BTNL9: variants seen among roughly 807,000 people sequenced by gnomAD.
BTNL9 encodes butyrophilin like 9, also known as butyrophilin-like protein 9.
Under a neutral mutation model 45.8 loss-of-function variants are expected in BTNL9, and 45 were observed. The observed-to-expected ratio is 0.98, with a 90% CI of 0.77 to 1.26. BTNL9 has a LOEUF of 1.26. Ranked by LOEUF, BTNL9 falls within the 50% of genes most tolerant of loss-of-function variation. The pLI is 0.00. For synonymous variants in BTNL9, 346 were observed against 330.8 expected (o/e 1.05, Z -0.50); for missense variants, 784 against 729.7 (o/e 1.07, Z -0.86).
At chr5:181,046,275 C>T (rs1761136989) in intron 2 of BTNL9, among the ~76,000 whole-genome samples, 6 of 150,768 alleles carry the variant, frequency 4.0e-5, no homozygotes, top group African/African-American at 1.2e-4. Flanking sequence ...TCTCTCCAGC[C>T]CCCAACACCT....
rs1011675523 is a variant in BTNL9 at position 181,042,523 on chromosome 5, G to A, written c.-24+2091G>A. Among the ~76,000 whole-genome samples the A allele has an allele frequency of 3.3e-5, 5 of 152,146 alleles. No homozygotes were observed. Among genetic ancestry groups the A allele is most frequent in the South Asian group, 2.1e-4 (1 of 4,830 alleles). On this transcript the variant is annotated intron_variant, in intron 1 of 10. Coordinates refer to ENST00000327705, the MANE Select transcript of BTNL9 (RefSeq NM_152547.5). This position sits in a 1 kb window ranked among gnomAD's most constrained non-coding sequence, Gnocchi z 4.5. ...AAGAGTGAGGTCAGAAAGGGCGGACGCACAGCAGCAAACGGGGAGGAGGGT... is the reference window on the plus strand; with the variant it reads ...AAGAGTGAGGTCAGAAAGGGCGGACACACAGCAGCAAACGGGGAGGAGGGT...
At chr5:181,045,341 G>A in intron 1 of BTNL9, 126 bp from the exon 2 acceptor site, 1 of 604,600 alleles carries the variant, frequency 1.7e-6, no homozygotes, top group Admixed American at 2.6e-5. Context: ...AAGCGCTGAG[G>A]CTTGTAAGGA....
chr5:181,046,783 A>T (rs60939799), intron 2 of BTNL9, among the ~76,000 whole-genome samples: 2,019 of 152,274 alleles, frequency 0.013, 50 homozygotes, highest in African/African-American at 0.046. Flanking sequence ...GTTCCCGGAA[A>T]GCTGAGGAGA....
intron 2 of BTNL9, 96 bp downstream of exon 2, chr5:181,045,694 G>T (rs1028666377): frequency 2.1e-6 from 2 of 971,296 alleles, no homozygotes; most frequent in Admixed American, 3.8e-5. Flanking sequence ...ACCAGGGCGT[G>T]CCAGACGCTA....
intron 9 of BTNL9, chr5:181,056,633 C>T (rs766080686): frequency 4.2e-6 from 3 of 717,210 alleles, no homozygotes; most frequent in African/African-American, 1.7e-5. Flanking sequence ...AACGTGTTGC[C>T]TTACGGCGCT....
rs1401374878 is a variant in BTNL9, at chr5:181,041,382, GAGTA to G, written c.-24+957_-24+960del. Among the ~76,000 whole-genome samples, 7 of 152,356 alleles carry G rather than the reference GAGTA, an allele frequency of 4.6e-5. No homozygotes were observed. The East Asian group carries it at 1.2e-3, about 25-fold the overall frequency. ...GGACAGAATCTGAAATTCACCAATAGAGTAAGTAAGAGTGAGAGATTGTGAATGT... is the reference window on the plus strand; with the variant it reads ...GGACAGAATCTGAAATTCACCAATAGAGTAAGAGTGAGAGATTGTGAATGT... On this transcript the variant is annotated intron_variant, in intron 1 of 10. Coordinates refer to ENST00000327705, the MANE Select transcript of BTNL9 (RefSeq NM_152547.5).
rs1561980703 is a variant in BTNL9 at position 181,050,416 on chromosome 5, C to T, written c.736+47C>T. ...CCCATCTTCCTAGTCCTCATGTGTACATACACATTGGCCCAAAGGCAGTCT... is the reference window on the plus strand; with the variant it reads ...CCCATCTTCCTAGTCCTCATGTGTATATACACATTGGCCCAAAGGCAGTCT... On this transcript the variant is annotated intron_variant, in intron 4 of 10. Transcript: ENST00000327705. This position sits in a 1 kb window ranked among gnomAD's most constrained non-coding sequence, Gnocchi z 4.9. 6.9e-6 allele frequency: 11 copies of T among 1,587,152 alleles called. No individual in the cohort carries two copies. The highest frequency in any genetic ancestry group is 8.6e-6 in the Non-Finnish European group (10 of 1,161,920).
In BTNL9 at chr5:181,042,459, C is replaced by T. The variant is rs533627402; in HGVS notation, c.-24+2027C>T. Among the ~76,000 whole-genome samples, 51 of 152,282 alleles carry T rather than the reference C, an allele frequency of 3.3e-4. No homozygotes were observed. Among genetic ancestry groups the T allele is most frequent in the African/African-American group, 1.2e-3 (49 of 41,554 alleles). ...GTGTTTCCTTCGAGGAGGGGACTTA[C>T]GCTTCAAGTAAGGATTGAGCACCCT... On this transcript the variant is annotated intron_variant, in intron 1 of 10. Coordinates refer to ENST00000327705, the MANE Select transcript of BTNL9 (RefSeq NM_152547.5). This position sits in a 1 kb window ranked among gnomAD's most constrained non-coding sequence, Gnocchi z 4.5.
rs1761842459 is a variant in BTNL9, at chr5:181,055,717, C to T, written c.928+264C>T. ...CCGGGAAGCGGAGCTTGCAGTGAGC[C>T]GAGATGGCGCCACTGCACTCCAGCC... On this transcript the variant is annotated intron_variant, in intron 8 of 10. Coordinates refer to ENST00000327705, the MANE Select transcript of BTNL9 (RefSeq NM_152547.5). The surrounding 1 kb of genome is among the most constrained non-coding windows in gnomAD (Gnocchi z 4.4). 1.0e-5 allele frequency: 7 copies of T among 690,940 alleles called. 1 individual carries two copies. The highest frequency in any genetic ancestry group is 4.6e-4 in the Middle Eastern group (2 of 4,314). 42.8% of individuals were successfully genotyped at this position (690,940 alleles called of 1,614,324 possible). A position where few individuals can be genotyped will look rare whatever the true frequency, so the allele number is the denominator to read the frequency against.
At chr5:181,044,400 C>T (rs770227507) in intron 1 of BTNL9, among the ~76,000 whole-genome samples, 6 of 152,098 alleles carry the variant, frequency 3.9e-5, no homozygotes, top group South Asian at 2.1e-4. Flanking sequence ...AGGAGCCCAC[C>T]GTGGCCTTCC....
chr5:181,055,976 T>C lies in BTNL9; in HGVS notation c.929-13T>C, dbSNP rs1561986321. 6.2e-7 allele frequency: 1 copy of C among 1,614,136 alleles called. No homozygotes were observed. Among genetic ancestry groups the C allele is most frequent in the Non-Finnish European group, 8.5e-7 (1 of 1,179,998 alleles). ...TGATGTGCTAATTTCCTGTTTTCCC[T>C]TGGTTGCTTCAGACTGGAGACGGGC... On this transcript the variant is annotated splice_polypyrimidine_tract_variant and intron_variant, in intron 8 of 10. Transcript: ENST00000327705. This position sits in a 1 kb window ranked among gnomAD's most constrained non-coding sequence, Gnocchi z 4.4.
Position 181,050,002 on chromosome 5 carries a change from A to T in BTNL9, c.455-86A>T. On this transcript the variant is annotated intron_variant, in intron 3 of 10. Coordinates refer to ENST00000327705, the MANE Select transcript of BTNL9 (RefSeq NM_152547.5). The surrounding 1 kb of genome is among the most constrained non-coding windows in gnomAD (Gnocchi z 4.9). ...TCACACTTCATGATGCTTTATGGTG[A>T]CTGCAAATGCTGAACAGTGGCAGGA... The T allele has an allele frequency of 6.7e-7, 1 of 1,486,708 alleles. No homozygotes were observed. Among genetic ancestry groups the T allele is most frequent in the Non-Finnish European group, 9.1e-7 (1 of 1,096,700 alleles). The allele number at this position is 1,486,708 out of a possible 1,614,324, so 92.1% of individuals were successfully genotyped here.
Position 181,060,099 on chromosome 5 carries a change from A to T in BTNL9, c.*237A>T, listed in dbSNP as rs1026359024. The T allele has an allele frequency of 1.3e-4, 67 of 514,804 alleles. No individual in the cohort carries two copies. Among genetic ancestry groups the T allele is most frequent in the African/African-American group, 1.1e-3 (57 of 51,926 alleles). 31.9% of individuals were successfully genotyped at this position (514,804 alleles called of 1,614,324 possible). On this transcript the variant is annotated 3_prime_UTR_variant, in exon 11 of 11. Coordinates refer to ENST00000327705, the MANE Select transcript of BTNL9 (RefSeq NM_152547.5). The stretch of plus-strand genomic sequence containing the variant: ...TGGGACTGAGCGAAGGAGTACAAAT[A>T]TATCCACGTCGCTCAGAGCTGGGGT...
chr5:181,052,007 C>G (rs184787829), intron 4 of BTNL9, among the ~76,000 whole-genome samples: 15 of 151,948 alleles, frequency 9.9e-5, no homozygotes, highest in African/African-American at 3.4e-4. Context: ...GGCAGAACAG[C>G]GAGGAGGCCA....
In BTNL9 at chr5:181,045,709, A is replaced by G. The variant is rs925277564; in HGVS notation, c.109+111A>G. On this transcript the variant is annotated intron_variant, in intron 2 of 10. Transcript: ENST00000327705. ...ACCAGGGCGTGCCAGACGCTAAAAT[A>G]CAAAAAAGACTTCCATCCTGGTTGT... 7 of 820,430 alleles carry G rather than the reference A, an allele frequency of 8.5e-6. No homozygotes were observed. In the Admixed American group the frequency reaches 1.3e-4, roughly 15 times the overall value. 50.8% of individuals were successfully genotyped at this position (820,430 alleles called of 1,614,324 possible). A position where few individuals can be genotyped will look rare whatever the true frequency, so the allele number is the denominator to read the frequency against.
rs754252051 is a variant in BTNL9, at chr5:181,059,837, C to T, written c.1583C>T (p.Ala528Val). The change falls in exon 11 of 11, where the codon GCG (alanine) becomes GTG (valine). Residue 528 changes from alanine (A) to valine (V), a missense_variant. By Grantham distance (64) the Ala-to-Val change is moderately conservative. Transcript: ENST00000327705. The stretch of plus-strand genomic sequence containing the variant: ...ACCTGGCTACAGCCCTATGAGCCCG[C>T]GGACCCCGCCCTGGACTGGTGGTGA... ...SDTWLQPYEP[A>V]DPALDWW 1 of 1,586,894 alleles carries T rather than the reference C, an allele frequency of 6.3e-7. No homozygotes were observed. The highest frequency in any genetic ancestry group is 8.5e-7 in the Non-Finnish European group (1 of 1,172,768).
chr5:181,056,139 T>G, intron 9 of BTNL9, 124 bp downstream of exon 9: 1 of 1,084,688 alleles, frequency 9.2e-7, no homozygotes, highest in Non-Finnish European at 1.4e-6. Flanking sequence ...CAGCATGTGT[T>G]AATCTATGTC....
Position 181,055,389 on chromosome 5 carries a change from A to G in BTNL9, c.908-44A>G. 3.1e-6 allele frequency: 5 copies of G among 1,614,026 alleles called. No individual in the cohort carries two copies. Among genetic ancestry groups the G allele is most frequent in the Non-Finnish European group, 4.2e-6 (5 of 1,180,010 alleles). On this transcript the variant is annotated intron_variant, in intron 7 of 10. Coordinates refer to ENST00000327705, the MANE Select transcript of BTNL9 (RefSeq NM_152547.5). The surrounding 1 kb of genome is among the most constrained non-coding windows in gnomAD (Gnocchi z 4.4). ...TGGCCTGTCTTGGGAAGATGGTTCC[A>G]CCCACCTGCAGGCTGAAGTTTTCTT...
At position 181,050,621 on chromosome 5, in the gene BTNL9, T is replaced by C. The variant is rs1161667253; in HGVS notation, c.736+252T>C. Among the ~76,000 whole-genome samples the C allele has an allele frequency of 6.6e-6, 1 of 152,148 alleles. No individual in the cohort carries two copies. Among genetic ancestry groups the C allele is most frequent in the African/African-American group, 2.4e-5 (1 of 41,422 alleles). On this transcript the variant is annotated intron_variant, in intron 4 of 10. Coordinates refer to ENST00000327705, the MANE Select transcript of BTNL9 (RefSeq NM_152547.5). The surrounding 1 kb of genome is among the most constrained non-coding windows in gnomAD (Gnocchi z 4.9). Reference sequence around the variant, plus strand: ...GCCTAAGGCCATACACTAAAACCCATCAACTCTGCTCATCAGAGGCATCAT... The same window carrying C: ...GCCTAAGGCCATACACTAAAACCCACCAACTCTGCTCATCAGAGGCATCAT...
Sources: gnomAD v4.1 joint callset for allele counts (sites outside exome capture counted in the v4.1 genomes callset) on GRCh38, gnomAD v4.1.1 for gene constraint, Gnocchi (gnomAD v3.1) non-coding constraint, MANE v1.5 for transcripts, NCBI Gene and HGNC (gene_info 2026-07-23, HGNC 2026-07-21) for gene names.